Variants in NRG3 observed in about 807,000 individuals in gnomAD.
NRG3 encodes pro-neuregulin-3, membrane-bound isoform.
NRG3 carries 31 observed loss-of-function variants against 66.9 expected under a neutral mutation model. The ratio of observed to expected loss-of-function variants is 0.46; its 90% CI spans 0.35 to 0.63. The LOEUF (loss-of-function observed/expected upper bound fraction) is 0.63. Among genes scored for constraint, NRG3 ranks in the 20% least tolerant of loss-of-function variants. NRG3 has a pLI of 0.00. For synonymous variants in NRG3, 393 were observed against 359.4 expected, an observed-to-expected ratio of 1.09 and a Z score of -1.06; for missense variants, 910 against 878.9, an observed-to-expected ratio of 1.04 and a Z score of -0.45.
At chr10:82,081,930 G>T (rs180891244) in intron 1 of NRG3, among the ~76,000 whole-genome samples, 2 of 152,302 alleles carry the variant, frequency 1.3e-5, no homozygotes, top group East Asian at 3.9e-4. Context: ...TGAGGTAGGA[G>T]GATGGCTTGA....
Position 82,347,050 on chromosome 10 carries a change from T to C in NRG3, c.824-11689T>C, listed in dbSNP as rs898370088. Among the ~76,000 whole-genome samples, 1,169 of 151,812 alleles carry C rather than the reference T, an allele frequency of 7.7e-3. 13 individuals are homozygous for C. The highest frequency in any genetic ancestry group is 0.026 in the African/African-American group (1,082 of 41,288). On this transcript the variant is annotated intron_variant, in intron 1 of 8. Transcript: ENST00000372141. ...ATTCATTAATTTTTTGAAGGGTTTT[T>C]TGTGTCTCTATTTCCTTCAGTTCTG...
chr10:82,438,622 A>G (rs375923015), intron 2 of NRG3, among the ~76,000 whole-genome samples: 5 of 152,292 alleles, frequency 3.3e-5, no homozygotes, highest in African/African-American at 1.2e-4. Flanking sequence ...GGCTGTAACA[A>G]TCTGCGCTTT....
intron 2 of NRG3, among the ~76,000 whole-genome samples, chr10:82,378,932 T>A (rs1025324679): frequency 2.0e-5 from 3 of 152,052 alleles, no homozygotes; most frequent in Non-Finnish European, 4.4e-5. Flanking sequence ...TCACTCACAC[T>A]AGGGAGGCTC....
intron 3 of NRG3, among the ~76,000 whole-genome samples, chr10:82,747,200 A>G (rs762010831): frequency 4.6e-4 from 70 of 152,172 alleles, no homozygotes; most frequent in Non-Finnish European, 7.4e-4. Context: ...TCTTAATTTT[A>G]TATTCTTTTA....
intron 1 of NRG3, among the ~76,000 whole-genome samples, chr10:81,928,483 T>G (rs192278564): frequency 2.6e-4 from 39 of 152,340 alleles, no homozygotes; most frequent in African/African-American, 9.1e-4. Flanking sequence ...TTGAAATAGC[T>G]GTATAAAAAT....
intron 1 of NRG3, among the ~76,000 whole-genome samples, chr10:82,081,883 T>C (rs2065418253): frequency 6.6e-6 from 1 of 152,204 alleles, no homozygotes; most frequent in African/African-American, 2.4e-5. Context: ...AGCCAGGTGC[T>C]GTGCCATGCA....
At chr10:82,784,004 A>G (rs892557089) in intron 3 of NRG3, among the ~76,000 whole-genome samples, 9 of 151,956 alleles carry the variant, frequency 5.9e-5, no homozygotes, top group Non-Finnish European at 1.2e-4. Context: ...TGGTACCAAA[A>G]CAGAGATATA....
intron 1 of NRG3, among the ~76,000 whole-genome samples, chr10:82,260,858 G>A (rs1230452230): frequency 6.6e-6 from 1 of 152,190 alleles, no homozygotes; most frequent in African/African-American, 2.4e-5. Context: ...GTTCTGTGAA[G>A]CAAGTGAGCA....
chr10:82,878,668 C>T (rs1049757521), intron 4 of NRG3, among the ~76,000 whole-genome samples: 2 of 152,130 alleles, frequency 1.3e-5, no homozygotes, highest in South Asian at 2.1e-4. Context: ...AAGATGTCAG[C>T]GTAAACAGGA....
intron 3 of NRG3, among the ~76,000 whole-genome samples, chr10:82,863,268 T>C (rs2453684): frequency 0.73 from 111,777 of 152,150 alleles, 41,528 homozygotes; most frequent in African/African-American, 0.85. Context: ...CATTGATGGA[T>C]ATTTGGGTTG....
At chr10:82,961,442 G>A (rs1047968068) in intron 6 of NRG3, among the ~76,000 whole-genome samples, 1 of 152,186 alleles carries the variant, frequency 6.6e-6, no homozygotes, top group Admixed American at 6.5e-5. Context: ...TACCCACAAT[G>A]TGCAGAAAAT....
chr10:81,949,807 T>G (rs925643848), intron 1 of NRG3, among the ~76,000 whole-genome samples: 1 of 152,234 alleles, frequency 6.6e-6, no homozygotes, highest in Non-Finnish European at 1.5e-5. Flanking sequence ...ATTAAAGTCC[T>G]TGGTCCTCAT....
At chr10:82,580,272 A>G (rs79064430) in intron 2 of NRG3, among the ~76,000 whole-genome samples, 2,533 of 152,066 alleles carry the variant, frequency 0.017, 71 homozygotes, top group African/African-American at 0.057. Context: ...AATAAACTGT[A>G]TATTTTCGAG....
chr10:82,348,139 G>A (rs1453381536), intron 1 of NRG3, among the ~76,000 whole-genome samples: 1 of 152,086 alleles, frequency 6.6e-6, no homozygotes, highest in Non-Finnish European at 1.5e-5. Context: ...TTGCTCGTTA[G>A]TTGATGCAGT....
chr10:82,403,762 G>A (rs1455969340), intron 2 of NRG3, among the ~76,000 whole-genome samples: 2 of 152,132 alleles, frequency 1.3e-5, no homozygotes, highest in East Asian at 1.9e-4. Flanking sequence ...CAATGGCAGA[G>A]AGGGGTATGA....
At chr10:82,709,226 A>G (rs1317115163) in intron 2 of NRG3, among the ~76,000 whole-genome samples, 1 of 152,156 alleles carries the variant, frequency 6.6e-6, no homozygotes, top group African/African-American at 2.4e-5. Context: ...ATTGTGTCTA[A>G]TGGCTACCAG....
intron 1 of NRG3, among the ~76,000 whole-genome samples, chr10:81,966,325 ATAT>A (rs1421067574): frequency 1.3e-5 from 2 of 150,540 alleles, no homozygotes; most frequent in African/African-American, 4.9e-5. Flanking sequence ...ATAAAATATG[ATAT>A]TATGTATATA....
intron 8 of NRG3, chr10:82,984,723 G>A (rs1853276721): frequency 4.6e-6 from 7 of 1,534,036 alleles, no homozygotes; most frequent in Non-Finnish European, 1.8e-6. Context: ...TGGGTGTCCT[G>A]TTTGTCACAA....
intron 1 of NRG3, among the ~76,000 whole-genome samples, chr10:81,991,369 C>G (rs1251586073): frequency 6.6e-6 from 1 of 152,166 alleles, no homozygotes; most frequent in Non-Finnish European, 1.5e-5. Context: ...AACTTGGCAC[C>G]TAGTAAGCAC....
Sources: gnomAD v4.1 joint callset for allele counts (sites outside exome capture counted in the v4.1 genomes callset) on GRCh38, gnomAD v4.1.1 for gene constraint, MANE v1.5 for transcripts, NCBI Gene and HGNC (gene_info 2026-07-23, HGNC 2026-07-21) for gene names.